LRRC8D: variants seen among roughly 807,000 people sequenced by gnomAD.
The protein encoded by LRRC8D is leucine rich repeat containing 8 VRAC subunit D.
In LRRC8D, 20 loss-of-function variants were observed where a neutral mutation model predicts 55.8. That is an observed-to-expected ratio of 0.36 (90% CI 0.25 to 0.52). The LOEUF is 0.52. LRRC8D is among the 20% of genes least tolerant of loss of function. The pLI is 0.93. For synonymous variants in LRRC8D, 352 were observed against 377.0 expected, an observed-to-expected ratio of 0.93 and a Z score of 0.77; for missense variants, 651 against 1,030.8, an observed-to-expected ratio of 0.63 and a Z score of 5.05.
intron 2 of LRRC8D, among the ~76,000 whole-genome samples, chr1:89,910,726 G>A (rs1663114663): frequency 1.3e-5 from 2 of 152,106 alleles, no homozygotes. Context: ...TTTTCTCTCA[G>A]TAAAACTGAA....
chr1:89,888,236 A>G (rs574899239), intron 2 of LRRC8D, among the ~76,000 whole-genome samples: 4 of 152,336 alleles, frequency 2.6e-5, no homozygotes, highest in African/African-American at 9.6e-5. Flanking sequence ...ACTATACTCT[A>G]TTCGATAAAG....
Position 89,924,970 on chromosome 1 carries a change from C to G in LRRC8D, c.-2-8097C>G, listed in dbSNP as rs112800929. Among the ~76,000 whole-genome samples, 916 of 152,224 alleles carry G rather than the reference C, an allele frequency of 6.0e-3. 8 individuals are homozygous for G. The highest frequency in any genetic ancestry group is 0.021 in the African/African-American group (882 of 41,516). ...GGAAGGCTCCCTATTAGGTACTATACTCATTACCTTGATTGGGGGTCCCCA... is the reference window on the plus strand; with the variant it reads ...GGAAGGCTCCCTATTAGGTACTATAGTCATTACCTTGATTGGGGGTCCCCA... On this transcript the variant is annotated intron_variant, in intron 2 of 2. Transcript: ENST00000337338.
At chr1:89,847,175 G>A (rs1443908943) in intron 2 of LRRC8D, among the ~76,000 whole-genome samples, 1 of 152,146 alleles carries the variant, frequency 6.6e-6, no homozygotes, top group East Asian at 1.9e-4. Flanking sequence ...CAGTTTTAAT[G>A]TTGCACCATT....
Position 89,843,456 on chromosome 1 carries a change from G to A in LRRC8D, c.-147-182G>A, listed in dbSNP as rs1406558314. The A allele has an allele frequency of 1.7e-5, 7 of 418,076 alleles. 1 individual carries two copies. Among genetic ancestry groups the A allele is most frequent in the Non-Finnish European group, 3.0e-5 (7 of 234,834 alleles). The allele number at this position is 418,076 out of a possible 1,614,324, so 25.9% of individuals were successfully genotyped here. ...CCCGGGCCGAGGCCGCGCCACCTCG[G>A]CACCACGCGGGCAGCCGGTGCGGCG... On this transcript the variant is annotated intron_variant, in intron 1 of 2. Coordinates refer to ENST00000337338, the MANE Select transcript of LRRC8D (RefSeq NM_001134479.2).
chr1:89,920,307 T>C (rs6682820), intron 2 of LRRC8D, among the ~76,000 whole-genome samples: 241 of 152,336 alleles, frequency 1.6e-3, no homozygotes, highest in African/African-American at 5.3e-3. Context: ...TAAAGTTCTT[T>C]TTATATTTCA....
At chr1:89,873,367 T>C (rs1283353041) in intron 2 of LRRC8D, among the ~76,000 whole-genome samples, 2 of 152,246 alleles carry the variant, frequency 1.3e-5, no homozygotes, top group African/African-American at 2.4e-5. Context: ...AGGTTCTCCT[T>C]GTATTTTTAA....
chr1:89,869,340 C>T (rs568284535), intron 2 of LRRC8D, among the ~76,000 whole-genome samples: 7 of 152,042 alleles, frequency 4.6e-5, no homozygotes, highest in Non-Finnish European at 8.8e-5. Context: ...GTGAAGCATA[C>T]GCAAGTATCA....
intron 2 of LRRC8D, among the ~76,000 whole-genome samples, chr1:89,905,076 G>A (rs572442298): frequency 2.0e-4 from 31 of 152,148 alleles, no homozygotes; most frequent in African/African-American, 7.2e-4. Context: ...AAGGAACTTG[G>A]AAAGAAATGT....
At chr1:89,930,787 A>G (rs1663686896) in intron 2 of LRRC8D, among the ~76,000 whole-genome samples, 1 of 151,044 alleles carries the variant, frequency 6.6e-6, no homozygotes, top group Admixed American at 6.7e-5. Flanking sequence ...ATAGGAACTG[A>G]AGAGCTCAAA....
intron 2 of LRRC8D, among the ~76,000 whole-genome samples, chr1:89,876,915 G>A: frequency 6.6e-6 from 1 of 152,234 alleles, no homozygotes; most frequent in East Asian, 1.9e-4. Context: ...GGTAGCCACT[G>A]GCCCTTGAAG....
chr1:89,891,688 C>A (rs918213245), intron 2 of LRRC8D, among the ~76,000 whole-genome samples: 1 of 152,106 alleles, frequency 6.6e-6, no homozygotes, highest in African/African-American at 2.4e-5. Flanking sequence ...TAATGATAAC[C>A]ACAATAATGT....
intron 1 of LRRC8D, among the ~76,000 whole-genome samples, chr1:89,842,472 A>C (rs369552810): frequency 2.0e-5 from 3 of 152,212 alleles, no homozygotes; most frequent in East Asian, 3.8e-4. Context: ...GTAGGAGCTT[A>C]ATATCTATCC....
chr1:89,889,798 G>A (rs937490606), intron 2 of LRRC8D, among the ~76,000 whole-genome samples: 3 of 147,172 alleles, frequency 2.0e-5, no homozygotes, highest in Admixed American at 1.4e-4. Context: ...TAGGAGGATC[G>A]CTTGAGCCTG....
chr1:89,873,801 C>T (rs1412634711), intron 2 of LRRC8D, among the ~76,000 whole-genome samples: 1 of 152,204 alleles, frequency 6.6e-6, no homozygotes. Context: ...AAAGAATCAG[C>T]CATATCATAG....
At chr1:89,878,651 G>T (rs1445416586) in intron 2 of LRRC8D, among the ~76,000 whole-genome samples, 1 of 152,138 alleles carries the variant, frequency 6.6e-6, no homozygotes, top group Non-Finnish European at 1.5e-5. Context: ...TCTTAGGGAA[G>T]GAGGATATGG....
intron 2 of LRRC8D, 27 bp downstream of exon 2, chr1:89,843,809 G>A: frequency 1.6e-6 from 1 of 641,386 alleles, no homozygotes. Context: ...CTGGGTCCAG[G>A]GAGCGGGTCG....
At chr1:89,908,782 G>A (rs970504733) in intron 2 of LRRC8D, among the ~76,000 whole-genome samples, 6 of 152,210 alleles carry the variant, frequency 3.9e-5, no homozygotes, top group Non-Finnish European at 7.3e-5. Context: ...CCAGGCAGGA[G>A]GGGCTAACCT....
At chr1:89,859,603 A>C (rs1428936240) in intron 2 of LRRC8D, among the ~76,000 whole-genome samples, 2 of 152,220 alleles carry the variant, frequency 1.3e-5, no homozygotes, top group Non-Finnish European at 2.9e-5. Context: ...TTTTACCCCA[A>C]AAGGACATAA....
Position 89,864,912 on chromosome 1 carries a change from T to C in LRRC8D, c.-3+21130T>C, listed in dbSNP as rs116363879. On this transcript the variant is annotated intron_variant, in intron 2 of 2. Transcript: ENST00000337338. ...GGTATGTCTGATGTCTAGCACACTT[T>C]TTCCCCTTCTGCTCCTTCACTTTTG... 3.5e-3 allele frequency among the ~76,000 whole-genome samples: 538 copies of C among 152,316 alleles called. 6 individuals are homozygous for C. Among genetic ancestry groups the C allele is most frequent in the African/African-American group, 0.012 (514 of 41,564 alleles).
Sources: gnomAD v4.1 joint callset for allele counts (sites outside exome capture counted in the v4.1 genomes callset) on GRCh38, gnomAD v4.1.1 for gene constraint, MANE v1.5 for transcripts, NCBI Gene and HGNC (gene_info 2026-07-23, HGNC 2026-07-21) for gene names.